Variants in PCDH7 observed in about 807,000 individuals in gnomAD.
The protein encoded by PCDH7 is protocadherin 7.
Under a neutral mutation model 58.9 loss-of-function variants are expected in PCDH7, and 17 were observed. That is an observed-to-expected ratio of 0.29 (90% confidence interval 0.20 to 0.43). The LOEUF (loss-of-function observed/expected upper bound fraction) is 0.43. Ranked by LOEUF, PCDH7 falls within the 20% of genes least tolerant of loss-of-function variation. PCDH7 has a pLI of 1.00. For missense variants in PCDH7, 1,274 were observed against 1,441.0 expected (o/e 0.88, Z 1.88); for synonymous variants, 664 against 616.4 (o/e 1.08, Z -1.14).
intron 3 of PCDH7, among the ~76,000 whole-genome samples, chr4:31,029,743 A>G (rs964190523): frequency 1.3e-5 from 2 of 151,808 alleles, no homozygotes; most frequent in African/African-American, 4.8e-5. Flanking sequence ...ACATTTGGAA[A>G]CTCCAGGCAG....
rs772233756 is a variant in PCDH7 at position 30,723,287 on chromosome 4, G to A, written c.1865G>A (p.Ser622Asn). The A allele has an allele frequency of 5.6e-6, 9 of 1,614,244 alleles. No individual in the cohort carries two copies. Among genetic ancestry groups the A allele is most frequent in the Middle Eastern group, 1.6e-4 (1 of 6,062 alleles). Reference sequence around the variant, plus strand: ...AAAGGCATCCCCGTGCTGCAGGGCAGCACTACGGTGATTGTGCAGGTGGCT... The same window carrying A: ...AAAGGCATCCCCGTGCTGCAGGGCAACACTACGGTGATTGTGCAGGTGGCT... The change falls in exon 1 of 2, where the codon AGC (serine) becomes AAC (asparagine). Residue 622 changes from serine (S) to asparagine (N), a missense_variant. By Grantham distance (46) the Ser-to-Asn change is conservative (BLOSUM62 1). Coordinates refer to ENST00000361762, the Ensembl canonical transcript of PCDH7. This position sits in a 1 kb window ranked among gnomAD's most constrained non-coding sequence, Gnocchi z 4.6.
At chr4:31,063,966 T>C (rs1757892614) in intron 3 of PCDH7, among the ~76,000 whole-genome samples, 1 of 151,898 alleles carries the variant, frequency 6.6e-6, no homozygotes, top group African/African-American at 2.4e-5. Context: ...CTGAAAACTA[T>C]ATGACTTTTA....
intron 1 of PCDH7, among the ~76,000 whole-genome samples, chr4:30,916,523 C>T (rs752292219): frequency 6.6e-6 from 1 of 152,228 alleles, no homozygotes; most frequent in East Asian, 1.9e-4. Flanking sequence ...AGCTGGCAGA[C>T]TGTCACTCTT....
chr4:30,852,829 G>GAAAAAA (rs58210433), intron 1 of PCDH7, among the ~76,000 whole-genome samples: 25 of 74,556 alleles, frequency 3.4e-4, no homozygotes, highest in East Asian at 9.2e-4. Flanking sequence ...TCAAGCACAG[G>GAAAAAA]AAAAAAAAAA....
chr4:30,967,514 G>T (rs1560540597), intron 3 of PCDH7, among the ~76,000 whole-genome samples: 1 of 152,014 alleles, frequency 6.6e-6, no homozygotes, highest in Non-Finnish European at 1.5e-5. Context: ...ACTCTGATTG[G>T]TGGCAAACAT....
intron 3 of PCDH7, among the ~76,000 whole-genome samples, chr4:31,087,219 A>G (rs1397551169): frequency 6.6e-6 from 1 of 152,102 alleles, no homozygotes; most frequent in Non-Finnish European, 1.5e-5. Flanking sequence ...ACTGCTAGCT[A>G]TGGGTAGATC....
intron 3 of PCDH7, among the ~76,000 whole-genome samples, chr4:31,137,535 G>T (rs952768944): frequency 5.9e-5 from 9 of 152,226 alleles, no homozygotes; most frequent in African/African-American, 2.2e-4. Flanking sequence ...AATGAGCCGA[G>T]ATCGTGCCAC....
At chr4:30,998,317 A>G (rs1752073559) in intron 3 of PCDH7, among the ~76,000 whole-genome samples, 1 of 152,162 alleles carries the variant, frequency 6.6e-6, no homozygotes, top group African/African-American at 2.4e-5. Flanking sequence ...TTCATGAGTT[A>G]TTCGATAACT....
rs60085619 is a variant in PCDH7, at chr4:30,968,376, C to CTATATATATATATATATATATA, written c.*7+18179_*7+18200dup. On this transcript the variant is annotated intron_variant, in intron 3 of 3. Transcript: ENST00000509759. The stretch of plus-strand genomic sequence containing the variant: ...TACACACACTATATATATACACACA[C>CTATATATATATATATATATATA]TATATATATATATATATATATATAT... Among the ~76,000 whole-genome samples the CTATATATATATATATATATATA allele has an allele frequency of 4.3e-4, 29 of 67,040 alleles. 1 individual carries two copies. Among genetic ancestry groups the CTATATATATATATATATATATA allele is most frequent in the East Asian group, 1.5e-3 (3 of 2,062 alleles). The allele number at this position is 67,040 out of a possible 152,430, so 44.0% of individuals were successfully genotyped here.
chr4:30,958,795 A>G (rs989264855), intron 3 of PCDH7, among the ~76,000 whole-genome samples: 3 of 152,078 alleles, frequency 2.0e-5, no homozygotes, highest in Non-Finnish European at 4.4e-5. Flanking sequence ...TATTATTGAA[A>G]TAGTGACCAG....
chr4:30,885,639 A>G (rs921588644), intron 1 of PCDH7, among the ~76,000 whole-genome samples: 3 of 152,220 alleles, frequency 2.0e-5, no homozygotes, highest in Non-Finnish European at 2.9e-5. Flanking sequence ...TTCATATGGA[A>G]CCAAAAAAGA....
chr4:31,123,422 G>A (rs1717918012), intron 3 of PCDH7, among the ~76,000 whole-genome samples: 1 of 152,164 alleles, frequency 6.6e-6, no homozygotes, highest in South Asian at 2.1e-4. Flanking sequence ...TGAAAGGGGT[G>A]GCTTGTTTAC....
At chr4:30,938,691 T>A (rs1745660444) in intron 2 of PCDH7, among the ~76,000 whole-genome samples, 1 of 152,202 alleles carries the variant, frequency 6.6e-6, no homozygotes, top group Non-Finnish European at 1.5e-5. Flanking sequence ...GAGATATTTT[T>A]ATATTGTAAA....
intron 2 of PCDH7, among the ~76,000 whole-genome samples, chr4:30,943,223 C>T (rs1173683224): frequency 6.6e-6 from 1 of 151,976 alleles, no homozygotes; most frequent in African/African-American, 2.4e-5. Flanking sequence ...AACTTCAGTC[C>T]TCTCTTCACC....
chr4:30,835,121 G>T (rs1211625266), intron 1 of PCDH7, among the ~76,000 whole-genome samples: 1 of 152,102 alleles, frequency 6.6e-6, no homozygotes, highest in Admixed American at 6.6e-5. Flanking sequence ...TGTGCCATAT[G>T]CTAGGCAGTA....
intron 3 of PCDH7, among the ~76,000 whole-genome samples, chr4:30,961,639 A>G (rs1748447739): frequency 1.3e-5 from 2 of 152,206 alleles, no homozygotes; most frequent in Non-Finnish European, 2.9e-5. Context: ...TATCAAAAGT[A>G]TAGCCCTCTT....
chr4:31,022,747 T>C (rs760923539), intron 3 of PCDH7, among the ~76,000 whole-genome samples: 6 of 152,164 alleles, frequency 3.9e-5, no homozygotes, highest in Non-Finnish European at 5.9e-5. Flanking sequence ...AAAACTATTA[T>C]GAGTAGGCTA....
chr4:30,722,374 G>T lies in PCDH7; in HGVS notation c.952G>T (p.Ala318Ser), dbSNP rs1197725701. The change falls in exon 1 of 2, where the codon GCT (alanine) becomes TCT (serine). Residue 318 changes from alanine to serine, a missense_variant. Around this residue, in one of 3 missense-constraint regions of PCDH7, gnomAD observed 331 missense variants for 303.2 expected, o/e 1.09. Transcript: ENST00000361762. The surrounding 1 kb of genome is among the most constrained non-coding windows in gnomAD (Gnocchi z 7.6). The stretch of plus-strand genomic sequence containing the variant: ...GAAGAGCGTGTACGAGGCCGACTTG[G>T]CTGAGAACAGCGCCCCGGGGACCCC... The T allele has an allele frequency of 4.3e-6, 7 of 1,612,440 alleles. No individual in the cohort carries two copies. Among genetic ancestry groups the T allele is most frequent in the Non-Finnish European group, 5.9e-6 (7 of 1,179,914 alleles).
chr4:31,110,637 C>T (rs1194420147), intron 3 of PCDH7, among the ~76,000 whole-genome samples: 4 of 152,064 alleles, frequency 2.6e-5, no homozygotes, highest in African/African-American at 4.8e-5. Flanking sequence ...AATACCAGGC[C>T]GGGCGCGGTG....
Sources: allele counts gnomAD v4.1 joint callset (sites outside exome capture counted in the v4.1 genomes callset), GRCh38; gene constraint gnomAD v4.1.1; regional missense constraint gnomAD v4.1.1; non-coding constraint Gnocchi (gnomAD v3.1); transcripts MANE v1.5; gene names NCBI Gene and HGNC (gene_info 2026-07-23, HGNC 2026-07-21).